The following PCDH7 variants were observed in gnomAD, a reference collection of about 807,000 sequenced individuals.
The protein encoded by PCDH7 is protocadherin 7.
Under a neutral mutation model 58.9 loss-of-function variants are expected in PCDH7, and 17 were observed. The observed-to-expected ratio is 0.29, with a 90% CI of 0.20 to 0.43. The LOEUF is 0.43. PCDH7 is among the 20% of genes least tolerant of loss of function. PCDH7 has a pLI of 1.00. For synonymous variants in PCDH7, 664 were observed against 616.4 expected (o/e 1.08, Z -1.14); for missense variants, 1,274 against 1,441.0 (o/e 0.88, Z 1.88).
chr4:31,004,884 A>C (rs1752644954), intron 3 of PCDH7, among the ~76,000 whole-genome samples: 1 of 152,158 alleles, frequency 6.6e-6, no homozygotes, highest in African/African-American at 2.4e-5. Context: ...TGACAACGAC[A>C]ATCAAACCCA....
At chr4:31,126,126 C>CTTTTT (rs555596051) in intron 3 of PCDH7, among the ~76,000 whole-genome samples, 18 of 128,332 alleles carry the variant, frequency 1.4e-4, no homozygotes, top group Non-Finnish European at 1.8e-4. Flanking sequence ...CATATCCTTT[C>CTTTTT]TTTTTTTTTT....
In PCDH7 at chr4:31,065,509, C is replaced by T. The variant is rs188736580; in HGVS notation, c.*8-76964C>T. On this transcript the variant is annotated intron_variant, in intron 3 of 3. Transcript: ENST00000509759. ...GGTAAAATTAATGCTTCTCCAATTA[C>T]AAAGCATGTAGTCAGCAAAGGAAAG... Among the ~76,000 whole-genome samples the T allele has an allele frequency of 7.9e-5, 12 of 151,988 alleles. No individual in the cohort carries two copies. In the East Asian group the frequency reaches 2.3e-3, roughly 29 times the overall value.
chr4:31,009,303 C>G (rs1015405690), intron 3 of PCDH7, among the ~76,000 whole-genome samples: 1 of 151,968 alleles, frequency 6.6e-6, no homozygotes, highest in African/African-American at 2.4e-5. Flanking sequence ...GGAAAAATCT[C>G]ACTCGTATTA....
chr4:30,969,216 G>T (rs954929533), intron 3 of PCDH7, among the ~76,000 whole-genome samples: 1 of 152,152 alleles, frequency 6.6e-6, no homozygotes, highest in African/African-American at 2.4e-5. Context: ...GCTAGTTAAA[G>T]ATTTTGAATG....
At chr4:30,947,774 G>C (rs1242427546) in intron 2 of PCDH7, among the ~76,000 whole-genome samples, 1 of 152,104 alleles carries the variant, frequency 6.6e-6, no homozygotes, top group Non-Finnish European at 1.5e-5. Context: ...TCATTCTGCA[G>C]TGGTAGAGAA....
At chr4:30,904,898 G>A (rs536169122) in intron 1 of PCDH7, among the ~76,000 whole-genome samples, 1 of 152,228 alleles carries the variant, frequency 6.6e-6, no homozygotes, top group Admixed American at 6.5e-5. Flanking sequence ...CTATTTGTCT[G>A]TCTTGATTCC....
chr4:30,825,731 C>A (rs1423987075), intron 1 of PCDH7, among the ~76,000 whole-genome samples: 2 of 152,038 alleles, frequency 1.3e-5, no homozygotes, highest in Non-Finnish European at 2.9e-5. Flanking sequence ...TGCTTAAGTT[C>A]TTGGATCATT....
chr4:30,760,326 A>T (rs1235549826), intron 1 of PCDH7, among the ~76,000 whole-genome samples: 1 of 152,182 alleles, frequency 6.6e-6, no homozygotes, highest in African/African-American at 2.4e-5. Context: ...GCCCTTCAAG[A>T]GGTCACTCTT....
intron 1 of PCDH7, among the ~76,000 whole-genome samples, chr4:30,878,350 A>G (rs1414190866): frequency 6.6e-6 from 1 of 152,156 alleles, no homozygotes; most frequent in Non-Finnish European, 1.5e-5. Flanking sequence ...ATTGCCCAGA[A>G]ATTATAATCA....
intron 3 of PCDH7, among the ~76,000 whole-genome samples, chr4:31,082,976 T>C (rs183729607): frequency 0.028 from 4,319 of 151,984 alleles, 174 homozygotes; most frequent in African/African-American, 0.094. Context: ...GGTGTGGTGG[T>C]GGGCACCTGT....
intron 1 of PCDH7, among the ~76,000 whole-genome samples, chr4:30,823,287 C>T (rs1039570919): frequency 2.0e-5 from 3 of 152,080 alleles, no homozygotes; most frequent in Admixed American, 1.3e-4. Context: ...ATGCCTATGT[C>T]CTTTGGTATT....
At chr4:30,740,434 C>T (rs1335857182) in intron 1 of PCDH7, among the ~76,000 whole-genome samples, 1 of 152,118 alleles carries the variant, frequency 6.6e-6, no homozygotes, top group Non-Finnish European at 1.5e-5. Flanking sequence ...TTGGGAAACA[C>T]TTCATAAAAT....
intron 3 of PCDH7, among the ~76,000 whole-genome samples, chr4:31,099,675 A>T (rs1714645335): frequency 6.6e-6 from 1 of 152,186 alleles, no homozygotes; most frequent in African/African-American, 2.4e-5. Context: ...ACATACGGTG[A>T]AATTGAGCCC....
At chr4:31,069,371 G>A (rs934336875) in intron 3 of PCDH7, among the ~76,000 whole-genome samples, 5 of 149,278 alleles carry the variant, frequency 3.3e-5, no homozygotes, top group Non-Finnish European at 7.4e-5. Context: ...GGTGCCTCAT[G>A]CCTCAAATTC....
At chr4:30,853,937 C>T (rs1227144478) in intron 1 of PCDH7, among the ~76,000 whole-genome samples, 3 of 151,922 alleles carry the variant, frequency 2.0e-5, no homozygotes, top group South Asian at 4.1e-4. Flanking sequence ...TTAAATCAAC[C>T]ATGCAGCCCT....
rs143024864 is a variant in PCDH7 at position 30,783,695 on chromosome 4, C to A, written c.70+59099C>A. On this transcript the variant is annotated intron_variant, in intron 1 of 3. Transcript: ENST00000509759. The stretch of plus-strand genomic sequence containing the variant: ...GTGTTCTTGTACTGAGGTCTGAGTT[C>A]TTTTCCAATTCTCTGCATAATTCAG... Among the ~76,000 whole-genome samples, 590 of 152,238 alleles carry A rather than the reference C, an allele frequency of 3.9e-3. 7 individuals carry two copies. Among genetic ancestry groups the A allele is most frequent in the African/African-American group, 0.013 (527 of 41,544 alleles).
At position 30,770,913 on chromosome 4, in the gene PCDH7, C is replaced by T. The variant is rs201171144; in HGVS notation, c.70+46317C>T. ...AGAAATTTTGCAAAATATAAGCAACCTTACTTTCTGTAACTATTTTTTTCC... is the reference window on the plus strand; with the variant it reads ...AGAAATTTTGCAAAATATAAGCAACTTTACTTTCTGTAACTATTTTTTTCC... On this transcript the variant is annotated intron_variant, in intron 1 of 3. Transcript: ENST00000509759. 1.1e-4 allele frequency among the ~76,000 whole-genome samples: 17 copies of T among 152,124 alleles called. No homozygotes were observed. The East Asian group carries it at 1.9e-3, about 17-fold the overall frequency.
intron 3 of PCDH7, among the ~76,000 whole-genome samples, chr4:31,018,755 C>T (rs1247187580): frequency 6.6e-6 from 1 of 152,160 alleles, no homozygotes; most frequent in Non-Finnish European, 1.5e-5. Flanking sequence ...TTTGTTTTTA[C>T]AAACTGCTTC....
intron 3 of PCDH7, among the ~76,000 whole-genome samples, chr4:30,979,273 C>T (rs1302717058): frequency 6.7e-6 from 1 of 149,606 alleles, no homozygotes; most frequent in Non-Finnish European, 1.5e-5. Flanking sequence ...TTGCAGTGAG[C>T]CGAGGTGGTG....
Sources: gnomAD v4.1 joint callset for allele counts (sites outside exome capture counted in the v4.1 genomes callset) on GRCh38, gnomAD v4.1.1 for gene constraint, MANE v1.5 for transcripts, NCBI Gene and HGNC (gene_info 2026-07-23, HGNC 2026-07-21) for gene names.